Variants in LEKR1 observed in about 807,000 individuals in gnomAD.
LEKR1 encodes protein LEKR1.
LEKR1 carries 59 observed loss-of-function variants against 72.4 expected under a neutral mutation model. The observed-to-expected ratio is 0.82, with a 90% CI of 0.66 to 1.01. LEKR1 has a LOEUF of 1.01. Among genes scored for constraint, LEKR1 ranks in the 50% least tolerant of loss-of-function variants. The pLI, the probability that LEKR1 is intolerant of heterozygous loss-of-function variation, is 0.00. For synonymous variants in LEKR1, 257 were observed against 263.2 expected, an observed-to-expected ratio of 0.98 and a Z score of 0.23; for missense variants, 728 against 759.2, an observed-to-expected ratio of 0.96 and a Z score of 0.48.
At chr3:156,857,937 A>G (rs1039524814) in intron 3 of LEKR1, among the ~76,000 whole-genome samples, 1 of 152,254 alleles carries the variant, frequency 6.6e-6, no homozygotes, top group Admixed American at 6.5e-5. Context: ...TAAATAGCAC[A>G]TGAATTTTTT....
At chr3:157,017,891 G>A (rs1324267066) in intron 10 of LEKR1, among the ~76,000 whole-genome samples, 2 of 141,534 alleles carry the variant, frequency 1.4e-5, no homozygotes, top group African/African-American at 2.7e-5. Context: ...GGAGCTTGCA[G>A]TCAGCCAAGA....
At chr3:156,838,329 A>G (rs1364642280) in intron 2 of LEKR1, among the ~76,000 whole-genome samples, 3 of 152,212 alleles carry the variant, frequency 2.0e-5, no homozygotes, top group African/African-American at 7.2e-5. Flanking sequence ...CTCTCCATAT[A>G]TACAAATACG....
intron 5 of LEKR1, among the ~76,000 whole-genome samples, chr3:156,934,638 G>A (rs1248975114): frequency 6.6e-6 from 1 of 151,748 alleles, no homozygotes; most frequent in Non-Finnish European, 1.5e-5. Context: ...AAGGCTTTAA[G>A]GATTGTTGGA....
chr3:156,968,174 A>C (rs893764462), intron 6 of LEKR1, among the ~76,000 whole-genome samples: 11 of 152,318 alleles, frequency 7.2e-5, no homozygotes, highest in South Asian at 2.1e-4. Context: ...CAAAAACATG[A>C]CAAATTGTAA....
Position 156,835,863 on chromosome 3 carries a change from C to CTTTTTTTTTTTTTT in LEKR1, c.48+6502_48+6515dup. On this transcript the variant is annotated intron_variant, in intron 2 of 12. Transcript: ENST00000356539. ...TCCCCCCAAGTCTTGCTCTGTCTCA[C>CTTTTTTTTTTTTTT]TTTTTTTTTTTTTTTTTTTTTTTTT... Among the ~76,000 whole-genome samples the CTTTTTTTTTTTTTT allele has an allele frequency of 3.6e-5, 2 of 55,510 alleles. 1 individual carries two copies. The highest frequency in any genetic ancestry group is 6.5e-5 in the Non-Finnish European group (2 of 30,948). The allele number at this position is 55,510 out of a possible 152,430, so 36.4% of individuals were successfully genotyped here.
intron 3 of LEKR1, among the ~76,000 whole-genome samples, chr3:156,865,855 T>C (rs1717253557): frequency 6.6e-6 from 1 of 152,060 alleles, no homozygotes; most frequent in African/African-American, 2.4e-5. Flanking sequence ...TGCTACCTCT[T>C]TCTGCTAAGA....
chr3:156,833,132 G>A (rs1053665865), intron 2 of LEKR1, among the ~76,000 whole-genome samples: 1 of 152,090 alleles, frequency 6.6e-6, no homozygotes, highest in Admixed American at 6.6e-5. Flanking sequence ...AAAACAAAAA[G>A]GATCAGAAAC....
At chr3:157,012,684 CT>C (rs1313939067) in intron 10 of LEKR1, among the ~76,000 whole-genome samples, 1 of 152,126 alleles carries the variant, frequency 6.6e-6, no homozygotes, top group Non-Finnish European at 1.5e-5. Flanking sequence ...AAAATGATCA[CT>C]GTAAAAACAG....
chr3:156,963,931 C>A (rs974837630), intron 6 of LEKR1, among the ~76,000 whole-genome samples: 1 of 152,132 alleles, frequency 6.6e-6, no homozygotes, highest in Non-Finnish European at 1.5e-5. Context: ...CAGGCCACTT[C>A]CAGCCTGGCT....
intron 10 of LEKR1, among the ~76,000 whole-genome samples, chr3:157,022,928 C>T (rs563956944): frequency 2.6e-5 from 4 of 152,168 alleles, no homozygotes; most frequent in Non-Finnish European, 4.4e-5. Flanking sequence ...ACTGTATAAA[C>T]ATAATTACAT....
chr3:157,005,633 A>T (rs970659988), intron 9 of LEKR1, among the ~76,000 whole-genome samples: 2 of 152,062 alleles, frequency 1.3e-5, no homozygotes, highest in Non-Finnish European at 2.9e-5. Flanking sequence ...AGTTTATCAT[A>T]AGAATATAGG....
intron 11 of LEKR1, among the ~76,000 whole-genome samples, chr3:157,025,427 T>A (rs1734115808): frequency 6.6e-6 from 1 of 152,142 alleles, no homozygotes; most frequent in Admixed American, 6.5e-5. Flanking sequence ...GGTTTTCCTG[T>A]TTTTATAGGA....
At chr3:157,014,591 T>A (rs35354535) in intron 10 of LEKR1, among the ~76,000 whole-genome samples, 77,895 of 151,982 alleles carry the variant, frequency 0.51, 22,825 homozygotes, top group South Asian at 0.78. Flanking sequence ...TTGTTATTTA[T>A]AAAATATCAA....
At position 157,011,392 on chromosome 3, in the gene LEKR1, T is replaced by G. The variant is rs191292836; in HGVS notation, c.1110-21T>G. On this transcript the variant is annotated intron_variant, in intron 9 of 12. Transcript: ENST00000356539. Reference sequence around the variant, plus strand: ...TGTTAGGGGTAAGTATTGACTCATTTGTCGGGTTTGTGATTTTCAGGGAAT... The same window carrying G: ...TGTTAGGGGTAAGTATTGACTCATTGGTCGGGTTTGTGATTTTCAGGGAAT... 7 of 1,562,718 alleles carry G rather than the reference T, an allele frequency of 4.5e-6. No homozygotes were observed. The Admixed American group carries it at 8.3e-5, about 19-fold the overall frequency.
chr3:156,915,519 G>GT (rs959304690), intron 3 of LEKR1, among the ~76,000 whole-genome samples: 2 of 151,684 alleles, frequency 1.3e-5, no homozygotes, highest in Non-Finnish European at 2.9e-5. Flanking sequence ...ATTATATTGA[G>GT]TTTTTTTTCA....
chr3:156,879,576 A>T (rs565159555), intron 3 of LEKR1, among the ~76,000 whole-genome samples: 1 of 152,254 alleles, frequency 6.6e-6, no homozygotes, highest in Non-Finnish European at 1.5e-5. Context: ...ATAAATTTGT[A>T]TAAGTAATGA....
chr3:156,986,105 G>A (rs1576950573), intron 7 of LEKR1, among the ~76,000 whole-genome samples: 2 of 152,132 alleles, frequency 1.3e-5, no homozygotes, highest in African/African-American at 2.4e-5. Flanking sequence ...GAAGGAACAC[G>A]ACCTGGTGAC....
intron 2 of LEKR1, among the ~76,000 whole-genome samples, chr3:156,841,610 A>G (rs1027783745): frequency 3.9e-5 from 6 of 152,224 alleles, no homozygotes; most frequent in Non-Finnish European, 8.8e-5. Context: ...AGATGCATTT[A>G]TACAACAAGT....
chr3:156,920,891 G>T, intron 4 of LEKR1, 197 bp downstream of exon 4: 1 of 371,580 alleles, frequency 2.7e-6, no homozygotes, highest in Non-Finnish European at 4.8e-6. Flanking sequence ...TTTAAATTAG[G>T]CATATACCTT....
Sources: gnomAD v4.1 joint callset for allele counts (sites outside exome capture counted in the v4.1 genomes callset) on GRCh38, gnomAD v4.1.1 for gene constraint, MANE v1.5 for transcripts, NCBI Gene and HGNC (gene_info 2026-07-23, HGNC 2026-07-21) for gene names.